Variants in SUN1 observed in about 807,000 individuals in gnomAD.
The protein encoded by SUN1 is Sad1 and UNC84 domain containing 1.
SUN1 carries 61 observed loss-of-function variants against 103.2 expected under a neutral mutation model. The observed-to-expected ratio is 0.59, with a 90% CI of 0.48 to 0.73. The LOEUF is 0.73. Ranked by LOEUF, SUN1 falls within the 30% of genes least tolerant of loss-of-function variation. The probability of loss-of-function intolerance (pLI) is 0.00; values close to 1 mark genes in which losing one functional copy is unlikely to be tolerated. For synonymous variants in SUN1, 490 were observed against 425.7 expected (o/e 1.15, Z -1.86); for missense variants, 1,052 against 1,034.6 (o/e 1.02, Z -0.23).
chr7:852,984 CT>C (rs1396924120), intron 9 of SUN1, 32 bp downstream of exon 9: 1 of 1,597,266 alleles, frequency 6.3e-7, no homozygotes, highest in South Asian at 1.1e-5. Flanking sequence ...TCAGCTGGCA[CT>C]GCACATGTGA....
At chr7:843,682 C>A in intron 5 of SUN1, 162 bp downstream of exon 5, 1 of 1,464,388 alleles carries the variant, frequency 6.8e-7, no homozygotes, top group South Asian at 1.5e-5. Flanking sequence ...TTCCTGTCCT[C>A]TTCTAGTTTA....
chr7:817,974 T>G (rs751432502), intron 1 of SUN1, among the ~76,000 whole-genome samples: 1 of 152,194 alleles, frequency 6.6e-6, no homozygotes, highest in Non-Finnish European at 1.5e-5. Flanking sequence ...CATTTTAGTT[T>G]GGCCATGGTA....
At chr7:846,925 G>T (rs1174206555) in intron 5 of SUN1, among the ~76,000 whole-genome samples, 1 of 152,074 alleles carries the variant, frequency 6.6e-6, no homozygotes, top group South Asian at 2.1e-4. Context: ...GAGGCAGGAG[G>T]ATCACTTAGG....
intron 5 of SUN1, among the ~76,000 whole-genome samples, chr7:846,837 ACTT>A (rs908604677): frequency 7.9e-5 from 12 of 152,094 alleles, no homozygotes; most frequent in African/African-American, 2.2e-4. Context: ...ACACAGTGAG[ACTT>A]CTTCTCAACA....
At chr7:867,787 G>A (rs370989089) in intron 16 of SUN1, among the ~76,000 whole-genome samples, 4 of 152,354 alleles carry the variant, frequency 2.6e-5, no homozygotes, top group South Asian at 2.1e-4. Context: ...TCGCCAGAGC[G>A]TCTCTCCAGA....
At chr7:863,916 G>A (rs1159584234) in intron 15 of SUN1, among the ~76,000 whole-genome samples, 4 of 152,196 alleles carry the variant, frequency 2.6e-5, no homozygotes, top group Non-Finnish European at 5.9e-5. Flanking sequence ...CACTCAATTT[G>A]AGAAAGTACA....
At chr7:868,912 G>C (rs55647511) in intron 16 of SUN1, 3,494 of 94,786 alleles carry the variant, frequency 0.037, 227 homozygotes, top group Admixed American at 0.049. Context: ...TGGTCGGATG[G>C]GGGGACAGTG....
chr7:826,438 CA>C (rs1259772755), intron 1 of SUN1, among the ~76,000 whole-genome samples: 1 of 152,198 alleles, frequency 6.6e-6, no homozygotes, highest in Non-Finnish European at 1.5e-5. Context: ...TCTGGCGAAA[CA>C]TCGCTGCCCA....
At position 846,023 on chromosome 7, in the gene SUN1, G is replaced by A. The variant is rs542339402; in HGVS notation, c.658+2503G>A. On this transcript the variant is annotated intron_variant, in intron 5 of 18. Transcript: ENST00000401592. ...TTTGTCTTTCCTGAAATGCCATCAC[G>A]GTGTATGCACAGTTTAGCATCTCTT... is the stretch of plus-strand genomic sequence containing the variant. 6.6e-5 allele frequency among the ~76,000 whole-genome samples: 10 copies of A among 152,226 alleles called. No homozygotes were observed. The South Asian group carries it at 8.3e-4, about 13-fold the overall frequency.
chr7:815,810 G>C, upstream of SUN1: 2 of 217,472 alleles, frequency 9.2e-6, no homozygotes, highest in South Asian at 9.2e-5. Context: ...TGGGGAGGAG[G>C]GGCCGCGGGA....
intron 1 of SUN1, among the ~76,000 whole-genome samples, chr7:823,006 G>A (rs959233992): frequency 2.6e-5 from 4 of 151,902 alleles, no homozygotes; most frequent in African/African-American, 4.8e-5. Context: ...CCGCACGCAC[G>A]TGGCCCTGTG....
intron 1 of SUN1, among the ~76,000 whole-genome samples, chr7:823,089 G>A (rs571387796): frequency 6.6e-6 from 1 of 152,364 alleles, no homozygotes; most frequent in East Asian, 1.9e-4. Context: ...GTGGAGACTG[G>A]AGGATTGTCA....
chr7:824,544 C>A (rs899101091), intron 1 of SUN1, among the ~76,000 whole-genome samples: 1 of 152,186 alleles, frequency 6.6e-6, no homozygotes, highest in Non-Finnish European at 1.5e-5. Flanking sequence ...ATAATTTGGC[C>A]TTGGGCTTTT....
chr7:856,303 G>A, intron 11 of SUN1, 55 bp from the exon 12 acceptor site: 1 of 1,556,820 alleles, frequency 6.4e-7, no homozygotes, highest in East Asian at 2.2e-5. Flanking sequence ...GTGGTTTTAT[G>A]AAAAGTTAAT....
At chr7:869,240 C>T in intron 16 of SUN1, 109 bp from the exon 17 acceptor site, 1 of 1,363,030 alleles carries the variant, frequency 7.3e-7, no homozygotes, top group Non-Finnish European at 9.9e-7. Flanking sequence ...GCAGTTTCTA[C>T]CATGTAAAAC....
intron 5 of SUN1, chr7:849,568 A>G (rs1444711614): frequency 7.0e-7 from 1 of 1,419,092 alleles, no homozygotes; most frequent in Non-Finnish European, 9.5e-7. Flanking sequence ...GTTCTCAGAG[A>G]GGATGGCCAC....
At chr7:866,446 G>C (rs1836645723) in intron 16 of SUN1, among the ~76,000 whole-genome samples, 1 of 152,080 alleles carries the variant, frequency 6.6e-6, no homozygotes. Flanking sequence ...GAGACAATAG[G>C]TGGGGAGGCC....
At chr7:860,564 T>C (rs1317828365) in intron 14 of SUN1, among the ~76,000 whole-genome samples, 182 bp downstream of exon 14, 1 of 152,218 alleles carries the variant, frequency 6.6e-6, no homozygotes, top group Non-Finnish European at 1.5e-5. Context: ...GGGGCACCTG[T>C]GCGGTGAGCT....
At chr7:845,759 C>G (rs923897456) in intron 5 of SUN1, among the ~76,000 whole-genome samples, 4 of 152,338 alleles carry the variant, frequency 2.6e-5, no homozygotes, top group Admixed American at 2.0e-4. Flanking sequence ...CCTTTTCCCC[C>G]ACCCAATCCA....
Sources: allele counts gnomAD v4.1 joint callset (sites outside exome capture counted in the v4.1 genomes callset), GRCh38; gene constraint gnomAD v4.1.1; transcripts MANE v1.5; gene names NCBI Gene and HGNC (gene_info 2026-07-23, HGNC 2026-07-21).